Variants in CWF19L2 observed in about 807,000 individuals in gnomAD.
CWF19L2 encodes CWF19 like cell cycle control factor 2, also known as CWF19-like protein 2.
In CWF19L2, 98 loss-of-function variants were observed where a neutral mutation model predicts 111.7. The ratio of observed to expected loss-of-function variants is 0.88; its 90% CI spans 0.75 to 1.04. The LOEUF (loss-of-function observed/expected upper bound fraction) is 1.04. CWF19L2 is among the 50% of genes least tolerant of loss of function. The pLI, the probability that CWF19L2 is intolerant of heterozygous loss-of-function variation, is 0.00. For missense variants in CWF19L2, 1,101 were observed against 1,051.4 expected (o/e 1.05, Z -0.65); for synonymous variants, 351 against 342.9 (o/e 1.02, Z -0.26).
At chr11:107,381,676 A>C (rs1860688253) in intron 12 of CWF19L2, among the ~76,000 whole-genome samples, 1 of 152,180 alleles carries the variant, frequency 6.6e-6, no homozygotes. Context: ...TTCTAATCAT[A>C]CATTTAAGAA....
At position 107,403,014 on chromosome 11, in the gene CWF19L2, A is replaced by G. The variant is rs1008220929; in HGVS notation, c.1618-10119T>C. Reference sequence around the variant, plus strand: ...ATGTAACTCAGGAATGGAAAACCAAACATCATATATTTTCACTGATATGTA... The same window carrying G: ...ATGTAACTCAGGAATGGAAAACCAAGCATCATATATTTTCACTGATATGTA... On this transcript the variant is annotated intron_variant, in intron 10 of 17. Coordinates refer to ENST00000282251, the MANE Select transcript of CWF19L2 (RefSeq NM_152434.3). Among the ~76,000 whole-genome samples, 5 of 151,054 alleles carry G rather than the reference A, an allele frequency of 3.3e-5. No individual in the cohort carries two copies. In the Admixed American group the frequency reaches 3.3e-4, roughly 10 times the overall value.
chr11:107,442,880 G>A (rs28450078), intron 4 of CWF19L2, 59 bp downstream of exon 4: 2 of 970,758 alleles, frequency 2.1e-6, no homozygotes, highest in Non-Finnish European at 3.1e-6. Context: ...GAGGGAGGGA[G>A]GGAGGAAGGA....
chr11:107,420,535 T>C (rs1242266031), intron 8 of CWF19L2, among the ~76,000 whole-genome samples: 1 of 152,086 alleles, frequency 6.6e-6, no homozygotes, highest in Admixed American at 6.6e-5. Context: ...TAAATTTCAA[T>C]ACCTCTCTCT....
In CWF19L2 at chr11:107,349,032, C is replaced by T. The variant is rs199671858; in HGVS notation, c.2107G>A (p.Val703Ile). ...CAGTGCCCCTCAGTAAGAGACCGTA[C>T]GTTGGGTAAACATAAATAAACCTAT... The part of the protein sequence containing the change: ...GVKVYLCLPN[V>I]RSLTEGHCLI... The change falls in exon 14 of 18, where the codon GTA becomes ATA. Residue 703 changes from valine to isoleucine, a missense_variant. Transcript: ENST00000282251. The T allele has an allele frequency of 6.2e-6, 10 of 1,602,092 alleles. No homozygotes were observed. The highest frequency in any genetic ancestry group is 1.3e-5 in the African/African-American group (1 of 74,640).
At chr11:107,450,008 G>C (rs1299320275) in intron 3 of CWF19L2, among the ~76,000 whole-genome samples, 1 of 151,528 alleles carries the variant, frequency 6.6e-6, no homozygotes, top group Non-Finnish European at 1.5e-5. Flanking sequence ...AGATTAGAGA[G>C]CACAAAAAAC....
chr11:107,457,650 C>T (rs776751631), intron 1 of CWF19L2, 62 bp downstream of exon 1: 5 of 1,264,428 alleles, frequency 4.0e-6, no homozygotes, highest in Non-Finnish European at 5.6e-6. Context: ...AGTGGGCTAG[C>T]TTACGGGAAC....
chr11:107,446,239 C>G (rs1021067402), intron 3 of CWF19L2, among the ~76,000 whole-genome samples: 9 of 152,186 alleles, frequency 5.9e-5, no homozygotes, highest in Non-Finnish European at 1.2e-4. Context: ...TTAATTCTTA[C>G]AGTTTCATCT....
Position 107,454,486 on chromosome 11 carries a change from T to G in CWF19L2, c.303A>C (p.Lys101Asn). The G allele has an allele frequency of 6.8e-7, 1 of 1,472,432 alleles. No homozygotes were observed. Among genetic ancestry groups the G allele is most frequent in the Non-Finnish European group, 9.0e-7 (1 of 1,117,286 alleles). 91.2% of individuals were successfully genotyped at this position (1,472,432 alleles called of 1,614,324 possible). The stretch of plus-strand genomic sequence containing the variant: ...CAGATGACTCATTGTTTTTTTCATA[T>G]TTCTGTTTCTTGCTCTTTTTTTTCT... ...KEKKKKSKKQ[K>N]YEKNNESSDS... The change falls in exon 3 of 18, where the codon AAA (lysine) becomes AAC (asparagine). Residue 101 changes from lysine (K) to asparagine (N), a missense_variant. Transcript: ENST00000282251.
chr11:107,451,769 G>A (rs1348250103), intron 3 of CWF19L2, among the ~76,000 whole-genome samples: 1 of 151,956 alleles, frequency 6.6e-6, no homozygotes, highest in Non-Finnish European at 1.5e-5. Flanking sequence ...ACTATTAAAG[G>A]AATTAACTCT....
intron 12 of CWF19L2, among the ~76,000 whole-genome samples, chr11:107,357,993 T>C (rs553810439): frequency 6.6e-6 from 1 of 152,180 alleles, no homozygotes; most frequent in Admixed American, 6.5e-5. Flanking sequence ...GATTATATTA[T>C]ACAAAATCAA....
intron 14 of CWF19L2, among the ~76,000 whole-genome samples, chr11:107,348,233 C>G (rs529299453): frequency 6.6e-6 from 1 of 152,206 alleles, no homozygotes; most frequent in East Asian, 1.9e-4. Context: ...GCAGTGCTAA[C>G]TTACAATTTT....
In CWF19L2 at chr11:107,457,788, C is replaced by T. The variant is rs942752535; in HGVS notation, c.29G>A (p.Gly10Asp). 3 of 1,551,634 alleles carry T rather than the reference C, an allele frequency of 1.9e-6. No individual in the cohort carries two copies. The African/African-American group carries it at 4.1e-5, about 21-fold the overall frequency. MATSMAAAS[G>D]RFESAKSIEE... The stretch of plus-strand genomic sequence containing the variant: ...GATACTCTTCGCACTTTCAAATCTA[C>T]CACTAGCAGCCGCCATACTTGTTGC... Residue 10 changes from glycine (G) to aspartate (D), a missense_variant, in exon 1 of 18, where the codon GGT becomes GAT. Physicochemically the swap from Gly to Asp is moderately conservative, Grantham distance 94. Transcript: ENST00000282251.
intron 11 of CWF19L2, 114 bp from the exon 12 acceptor site, chr11:107,390,325 AC>A (rs1860829678): frequency 1.1e-5 from 10 of 873,770 alleles, no homozygotes; most frequent in Non-Finnish European, 1.7e-5. Flanking sequence ...TGTAATCACA[AC>A]CTTTCCTTCC....
rs774437963 is a variant in CWF19L2, at chr11:107,429,390, T to C, written c.842A>G (p.Asp281Gly). The change falls in exon 8 of 18, where the codon GAT (aspartate) becomes GGT (glycine). Residue 281 changes from aspartate (D) to glycine (G), a missense_variant. Asp to Gly is a moderately conservative substitution (Grantham distance 94). Coordinates refer to ENST00000282251, the MANE Select transcript of CWF19L2 (RefSeq NM_152434.3). ...TTTCCTCCACCGTTCCCGTCTATAA[T>C]CTTCTTTCGTGGATGCAGCTTTTTC... is the stretch of plus-strand genomic sequence containing the variant. Reference protein sequence around the residue: ...DAEKAASTKEDYRRERWRKPT... With the variant: ...DAEKAASTKEGYRRERWRKPT... 14 of 1,583,970 alleles carry C rather than the reference T, an allele frequency of 8.8e-6. No homozygotes were observed. The highest frequency in any genetic ancestry group is 1.2e-5 in the Non-Finnish European group (14 of 1,163,716).
intron 8 of CWF19L2, among the ~76,000 whole-genome samples, chr11:107,426,003 T>C (rs1861370437): frequency 2.0e-5 from 3 of 152,022 alleles, no homozygotes; most frequent in East Asian, 1.9e-4. Flanking sequence ...CTCAATTGCA[T>C]GGCAGTGGAC....
rs566632529 is a variant in CWF19L2 at position 107,426,617 on chromosome 11, T to G, written c.1433+2182A>C. 4.0e-5 allele frequency among the ~76,000 whole-genome samples: 6 copies of G among 151,894 alleles called. No homozygotes were observed. In the South Asian group the frequency reaches 1.0e-3, roughly 26 times the overall value. On this transcript the variant is annotated intron_variant, in intron 8 of 17. Coordinates refer to ENST00000282251, the MANE Select transcript of CWF19L2 (RefSeq NM_152434.3). ...ATTAGGTTATGCCTAAGTTTTACAA[T>G]GGAGTATTAAAGAGCCTTTAAAATA...
intron 12 of CWF19L2, among the ~76,000 whole-genome samples, chr11:107,360,972 G>C (rs753617597): frequency 9.2e-5 from 14 of 152,116 alleles, no homozygotes; most frequent in Non-Finnish European, 1.9e-4. Context: ...ACTGTCATTT[G>C]TCTTTGTTTT....
intron 13 of CWF19L2, among the ~76,000 whole-genome samples, 178 bp downstream of exon 13, chr11:107,353,346 C>T (rs1860185049): frequency 6.6e-6 from 1 of 152,052 alleles, no homozygotes; most frequent in South Asian, 2.1e-4. Flanking sequence ...GGGCTAGATG[C>T]TTTGTATACA....
chr11:107,441,841 G>C (rs1565286619), intron 4 of CWF19L2, among the ~76,000 whole-genome samples: 1 of 152,124 alleles, frequency 6.6e-6, no homozygotes, highest in Non-Finnish European at 1.5e-5. Context: ...TACCTTTCAG[G>C]ATTGTTTTAA....
Sources: gnomAD v4.1 joint callset for allele counts (sites outside exome capture counted in the v4.1 genomes callset) on GRCh38, gnomAD v4.1.1 for gene constraint, MANE v1.5 for transcripts, NCBI Gene and HGNC (gene_info 2026-07-23, HGNC 2026-07-21) for gene names.